Variants in USP25 observed in about 807,000 individuals in gnomAD.
USP25 encodes the protein ubiquitin carboxyl-terminal hydrolase 25.
Under a neutral mutation model 158.5 loss-of-function variants are expected in USP25, and 85 were observed. The ratio of observed to expected loss-of-function variants is 0.54; its 90% CI spans 0.45 to 0.64. The LOEUF is 0.64. Among genes scored for constraint, USP25 ranks in the 30% least tolerant of loss-of-function variants. The pLI, the probability that USP25 is intolerant of heterozygous loss-of-function variation, is 0.00. For missense variants in USP25, 1,242 were observed against 1,327.3 expected, an observed-to-expected ratio of 0.94 and a Z score of 1.00; for synonymous variants, 464 against 460.4, an observed-to-expected ratio of 1.01 and a Z score of -0.10.
chr21:15,762,312 A>G (rs1037365800), intron 1 of USP25, among the ~76,000 whole-genome samples: 6 of 152,156 alleles, frequency 3.9e-5, no homozygotes, highest in Middle Eastern at 3.4e-3. Context: ...GTGAAATCCT[A>G]TCTCTCTACC....
intron 3 of USP25, among the ~76,000 whole-genome samples, chr21:15,775,371 T>G (rs2034578975): frequency 6.6e-6 from 1 of 152,156 alleles, no homozygotes; most frequent in Non-Finnish European, 1.5e-5. Flanking sequence ...AAAAAATCAC[T>G]GGAAGGACTG....
At chr21:15,799,592 G>T in intron 5 of USP25, 165 bp from the exon 6 acceptor site, 1 of 450,802 alleles carries the variant, frequency 2.2e-6, no homozygotes, top group Non-Finnish European at 4.0e-6. Context: ...TCAAATAAAA[G>T]AAACTTGACT....
intron 20 of USP25, among the ~76,000 whole-genome samples, chr21:15,859,857 A>G (rs1036192938): frequency 6.6e-6 from 1 of 151,384 alleles, no homozygotes; most frequent in Non-Finnish European, 1.5e-5. Flanking sequence ...CTTTTTGGAA[A>G]GAAAAAGCCT....
At chr21:15,878,024 A>G (rs1224950585) in intron 25 of USP25, 33 bp downstream of exon 25, 7 of 1,538,814 alleles carry the variant, frequency 4.5e-6, no homozygotes, top group Non-Finnish European at 4.4e-6. Context: ...GGCACCTGAG[A>G]TGTCCGGATT....
At position 15,806,057 on chromosome 21, in the gene USP25, G is replaced by T. The variant is rs928595241; in HGVS notation, c.780+799G>T. Among the ~76,000 whole-genome samples, 5 of 149,960 alleles carry T rather than the reference G, an allele frequency of 3.3e-5. No homozygotes were observed. In the South Asian group the frequency reaches 6.2e-4, roughly 19 times the overall value. ...TTTACCTTGTATGGCAAATGTGAATGAACAAAAAGGGCACTCACATCAGAG... is the reference window on the plus strand; with the variant it reads ...TTTACCTTGTATGGCAAATGTGAATTAACAAAAAGGGCACTCACATCAGAG... On this transcript the variant is annotated intron_variant, in intron 7 of 25. Coordinates refer to ENST00000400183, the MANE Select transcript of USP25 (RefSeq NM_001283041.3).
chr21:15,730,491 C>G (rs1479902558), intron 1 of USP25, 53 bp downstream of exon 1: 16 of 1,307,588 alleles, frequency 1.2e-5, no homozygotes, highest in Non-Finnish European at 1.6e-5. Flanking sequence ...GACGGGCTGT[C>G]CTCTCCCGCT....
chr21:15,778,256 A>G (rs2034769960), intron 4 of USP25, among the ~76,000 whole-genome samples: 1 of 152,076 alleles, frequency 6.6e-6, no homozygotes, highest in African/African-American at 2.4e-5. Context: ...GATTACATTT[A>G]GGTGCATATT....
At chr21:15,838,530 A>C (rs1219076357) in intron 17 of USP25, among the ~76,000 whole-genome samples, 1 of 152,068 alleles carries the variant, frequency 6.6e-6, no homozygotes, top group Admixed American at 6.5e-5. Context: ...TTTCTTCGGA[A>C]TGGGGCCCAG....
intron 20 of USP25, among the ~76,000 whole-genome samples, chr21:15,852,926 GCATTTGGACACAA>G (rs929403565): frequency 1.3e-5 from 2 of 152,048 alleles, no homozygotes; most frequent in African/African-American, 4.8e-5. Flanking sequence ...AAAGGTAGAA[GCATTTGGACACAA>G]CTCTAGCTGA....
chr21:15,786,217 G>T (rs928655991), intron 4 of USP25, among the ~76,000 whole-genome samples: 4 of 152,122 alleles, frequency 2.6e-5, no homozygotes, highest in Admixed American at 2.0e-4. Flanking sequence ...AACATTTAAG[G>T]AACAACTAAT....
At chr21:15,856,468 C>CT (rs1250298138) in intron 20 of USP25, among the ~76,000 whole-genome samples, 47 of 149,622 alleles carry the variant, frequency 3.1e-4, no homozygotes, top group Admixed American at 2.5e-3. Flanking sequence ...TATACTCTTT[C>CT]TTTTTTTTTC....
intron 20 of USP25, among the ~76,000 whole-genome samples, chr21:15,860,971 T>TAGAGAGAG (rs371751056): frequency 5.7e-4 from 82 of 143,622 alleles, no homozygotes; most frequent in South Asian, 2.2e-3. Flanking sequence ...TATATATATA[T>TAGAGAGAG]ATATAGAGAG....
chr21:15,857,562 T>A (rs1462911158), intron 20 of USP25, among the ~76,000 whole-genome samples: 1 of 152,154 alleles, frequency 6.6e-6, no homozygotes, highest in Admixed American at 6.5e-5. Context: ...ATGTTGACTG[T>A]CATTCATCTT....
intron 21 of USP25, 146 bp downstream of exon 21, chr21:15,864,592 A>G: frequency 1.4e-6 from 1 of 723,028 alleles, no homozygotes; most frequent in Non-Finnish European, 2.1e-6. Flanking sequence ...ACTCAATGTG[A>G]CTAGTTGCTG....
intron 20 of USP25, among the ~76,000 whole-genome samples, chr21:15,857,341 C>T (rs574651809): frequency 3.9e-5 from 6 of 151,936 alleles, no homozygotes; most frequent in South Asian, 4.1e-4. Flanking sequence ...TGAACACTTG[C>T]GTGAACATAG....
rs1178669670 is a variant in USP25 at position 15,818,706 on chromosome 21, T to C, written c.940T>C (p.Phe314Leu). The C allele has an allele frequency of 6.2e-7, 1 of 1,604,782 alleles. No homozygotes were observed. The highest frequency in any genetic ancestry group is 8.5e-7 in the Non-Finnish European group (1 of 1,175,312). The change falls in exon 10 of 26, where the codon TTT (phenylalanine) becomes CTT (leucine). Residue 314 changes from phenylalanine (F) to leucine (L), a missense_variant. By Grantham distance (22) the Phe-to-Leu change is conservative. Coordinates refer to ENST00000400183, the MANE Select transcript of USP25 (RefSeq NM_001283041.3). ...TTTCTCCCTTCTTATAGGTAAAAAA[T>C]TTGAAAACACTGAAATGTTTGGTCA... ...LAVGVLEGKKFENTEMFGQYP... is the reference protein window; with the variant it reads ...LAVGVLEGKKLENTEMFGQYP...
At chr21:15,753,963 A>G (rs2033204523) in intron 1 of USP25, among the ~76,000 whole-genome samples, 2 of 152,184 alleles carry the variant, frequency 1.3e-5, no homozygotes, top group South Asian at 4.1e-4. Context: ...GAGGAAATGT[A>G]TGGTGAATAA....
chr21:15,864,784 C>T (rs1328423355), intron 21 of USP25, among the ~76,000 whole-genome samples: 2 of 152,028 alleles, frequency 1.3e-5, no homozygotes, highest in Non-Finnish European at 2.9e-5. Flanking sequence ...TTGGGGCTGT[C>T]CTATGATTGT....
chr21:15,750,218 T>TGG (rs2032894121), intron 1 of USP25, among the ~76,000 whole-genome samples: 1 of 98,844 alleles, frequency 1.0e-5, no homozygotes, highest in African/African-American at 6.6e-5. Flanking sequence ...GTGTATGTTT[T>TGG]TTTTTTTTTT....
Sources: allele counts gnomAD v4.1 joint callset (sites outside exome capture counted in the v4.1 genomes callset), GRCh38; gene constraint gnomAD v4.1.1; transcripts MANE v1.5; gene names NCBI Gene and HGNC (gene_info 2026-07-23, HGNC 2026-07-21).